RGS6: variants seen among roughly 807,000 people sequenced by gnomAD.
RGS6 encodes the protein regulator of G-protein signaling 6.
A neutral mutation model predicts 78.5 loss-of-function variants in RGS6; 30 were observed. That is an observed-to-expected ratio of 0.38 (90% confidence interval 0.29 to 0.52). The LOEUF (loss-of-function observed/expected upper bound fraction) is 0.52, where lower values mean the gene tolerates loss of function less well. Ranked by LOEUF, RGS6 falls within the 20% of genes least tolerant of loss-of-function variation. The pLI, the probability that RGS6 is intolerant of heterozygous loss-of-function variation, is 0.85. For synonymous variants in RGS6, 206 were observed against 206.0 expected, an observed-to-expected ratio of 1.00 and a Z score of 0.00; for missense variants, 495 against 609.7, an observed-to-expected ratio of 0.81 and a Z score of 1.98.
chr14:72,492,148 C>A (rs963644853), intron 12 of RGS6, among the ~76,000 whole-genome samples: 2 of 152,130 alleles, frequency 1.3e-5, no homozygotes, highest in African/African-American at 4.8e-5. Context: ...ACTGCTATAA[C>A]AAAAGAGGTT....
At chr14:71,970,789 C>T (rs188758142) in intron 2 of RGS6, among the ~76,000 whole-genome samples, 67 of 152,190 alleles carry the variant, frequency 4.4e-4, no homozygotes, top group Non-Finnish European at 7.5e-4. Flanking sequence ...GGGAACTAGA[C>T]AATTACAGTG....
intron 2 of RGS6, among the ~76,000 whole-genome samples, chr14:72,206,177 T>C (rs1430269470): frequency 6.6e-6 from 1 of 152,202 alleles, no homozygotes; most frequent in Non-Finnish European, 1.5e-5. Context: ...GTCAAAATAA[T>C]GAGCAGGCTT....
At chr14:71,896,158 C>T in the RGS6 span, among the ~76,000 whole-genome samples, 29 of 152,154 alleles carry the variant, frequency 1.9e-4, no homozygotes, top group African/African-American at 6.7e-4. Context: ...CCCAAGAGAG[C>T]GTTCTTGGAT....
intron 7 of RGS6, among the ~76,000 whole-genome samples, chr14:72,468,246 G>A (rs1306318470): frequency 6.6e-6 from 1 of 152,084 alleles, no homozygotes; most frequent in African/African-American, 2.4e-5. Flanking sequence ...AGGCCTAGTG[G>A]CACACGCCTG....
chr14:72,037,530 A>G (rs571445175), intron 2 of RGS6, among the ~76,000 whole-genome samples: 3 of 152,328 alleles, frequency 2.0e-5, no homozygotes, highest in Non-Finnish European at 4.4e-5. Context: ...AGTCAGTGAG[A>G]CCAAGAACCT....
chr14:71,936,699 G>GT (rs2089461005), intron 1 of RGS6, among the ~76,000 whole-genome samples: 1 of 152,164 alleles, frequency 6.6e-6, no homozygotes, highest in Non-Finnish European at 1.5e-5. Flanking sequence ...CTTACATGCT[G>GT]TTGTGAAGTC....
At chr14:72,460,370 A>G (rs141254516) in intron 6 of RGS6, among the ~76,000 whole-genome samples, 190 of 152,352 alleles carry the variant, frequency 1.2e-3, no homozygotes, top group Non-Finnish European at 2.2e-3. Context: ...ACACTACCAC[A>G]TTGTCTGAAT....
At chr14:72,268,286 T>C (rs572891930) in intron 2 of RGS6, among the ~76,000 whole-genome samples, 1 of 152,352 alleles carries the variant, frequency 6.6e-6, no homozygotes, top group South Asian at 2.1e-4. Context: ...ATGTGAGTTG[T>C]TAAAGGTATG....
At chr14:72,040,693 T>C (rs2092319811) in intron 2 of RGS6, among the ~76,000 whole-genome samples, 1 of 152,198 alleles carries the variant, frequency 6.6e-6, no homozygotes, top group African/African-American at 2.4e-5. Flanking sequence ...ATTTTCTCCT[T>C]TCTCTCACTG....
chr14:72,185,881 G>T (rs141190963), intron 2 of RGS6, among the ~76,000 whole-genome samples: 1 of 152,226 alleles, frequency 6.6e-6, no homozygotes, highest in African/African-American at 2.4e-5. Flanking sequence ...AGTCAAGGCC[G>T]CAATGAGCTC....
At chr14:72,252,366 A>T (rs1053937310) in intron 2 of RGS6, among the ~76,000 whole-genome samples, 1 of 152,228 alleles carries the variant, frequency 6.6e-6, no homozygotes, top group Non-Finnish European at 1.5e-5. Context: ...GTACCCTGGG[A>T]TACAGTAGTG....
chr14:72,101,614 C>G (rs1203978052), intron 2 of RGS6, among the ~76,000 whole-genome samples: 1 of 152,138 alleles, frequency 6.6e-6, no homozygotes, highest in Non-Finnish European at 1.5e-5. Context: ...GGGTTGCTGC[C>G]TGGGAAAGGT....
At chr14:72,322,953 T>G (rs2152523668) in intron 2 of RGS6, among the ~76,000 whole-genome samples, 1 of 152,166 alleles carries the variant, frequency 6.6e-6, no homozygotes, top group East Asian at 1.9e-4. Flanking sequence ...CTGATACAAC[T>G]GCTGAAGAAA....
At position 72,200,585 on chromosome 14, in the gene RGS6, C is replaced by T. The variant is rs77182609; in HGVS notation, c.85-151510C>T. Among the ~76,000 whole-genome samples the T allele has an allele frequency of 5.4e-3, 814 of 151,638 alleles. 11 individuals are homozygous for T. The highest frequency in any genetic ancestry group is 0.019 in the African/African-American group (785 of 41,304). On this transcript the variant is annotated intron_variant, in intron 2 of 17. Transcript: ENST00000553525. ...GAAGGGATGAGGGGGCAGCACAGGA[C>T]GGGGAGTGGTAGGGACAGGGCTGTC...
chr14:72,312,675 C>A (rs2068938963), intron 2 of RGS6, among the ~76,000 whole-genome samples: 2 of 152,156 alleles, frequency 1.3e-5, no homozygotes, highest in Admixed American at 6.6e-5. Context: ...CCTTAGGTAG[C>A]TCATGCGTCG....
intron 2 of RGS6, among the ~76,000 whole-genome samples, chr14:72,307,794 T>C (rs2067595742): frequency 6.6e-6 from 1 of 152,212 alleles, no homozygotes; most frequent in Non-Finnish European, 1.5e-5. Flanking sequence ...TGAAAATTCA[T>C]ATACTAAAGT....
chr14:72,562,218 C>T lies in RGS6; in HGVS notation c.1423-199C>T, dbSNP rs112783323. 6.0e-3 allele frequency among the ~76,000 whole-genome samples: 910 copies of T among 152,350 alleles called. 3 individuals are homozygous for T. Among genetic ancestry groups the T allele is most frequent in the Admixed American group, 9.7e-3 (149 of 15,310 alleles). On this transcript the variant is annotated intron_variant, in intron 17 of 17. Transcript: ENST00000553525. ...ACCCTCCAGGACTCCCTGAACCTTCCCTGGAGCCCTGGTTTCTCCAGCTGT... is the reference window on the plus strand; with the variant it reads ...ACCCTCCAGGACTCCCTGAACCTTCTCTGGAGCCCTGGTTTCTCCAGCTGT...
chr14:72,357,872 C>T (rs1176440084), intron 3 of RGS6, among the ~76,000 whole-genome samples: 1 of 152,198 alleles, frequency 6.6e-6, no homozygotes, highest in Non-Finnish European at 1.5e-5. Context: ...CAGGGCATGT[C>T]ACAGACCTTC....
At chr14:72,292,679 C>G (rs556467909) in intron 2 of RGS6, among the ~76,000 whole-genome samples, 4 of 152,320 alleles carry the variant, frequency 2.6e-5, no homozygotes, top group Admixed American at 6.5e-5. Context: ...TGAACTGAAC[C>G]CAAAGTTTTC....
Sources: allele counts gnomAD v4.1 joint callset (sites outside exome capture counted in the v4.1 genomes callset), GRCh38; gene constraint gnomAD v4.1.1; transcripts MANE v1.5; gene names NCBI Gene and HGNC (gene_info 2026-07-23, HGNC 2026-07-21).